Variants in GALNTL6 observed in about 807,000 individuals in gnomAD.
GALNTL6 encodes the protein polypeptide N-acetylgalactosaminyltransferase like 6.
Under a neutral mutation model 73.7 loss-of-function variants are expected in GALNTL6, and 46 were observed. The ratio of observed to expected loss-of-function variants is 0.62; its 90% CI spans 0.49 to 0.80. GALNTL6 has a LOEUF of 0.80. GALNTL6 is among the 30% of genes least tolerant of loss of function. GALNTL6 has a pLI of 0.00. For synonymous variants in GALNTL6, 259 were observed against 263.7 expected (o/e 0.98, Z 0.17); for missense variants, 604 against 755.0 (o/e 0.80, Z 2.34).
intron 12 of GALNTL6, among the ~76,000 whole-genome samples, chr4:173,032,105 G>GA (rs1753485305): frequency 6.6e-6 from 1 of 152,220 alleles, no homozygotes; most frequent in South Asian, 2.1e-4. Context: ...ACGTGCAACA[G>GA]AAAATGAACT....
At chr4:172,327,889 A>G (rs1048791511) in intron 4 of GALNTL6, among the ~76,000 whole-genome samples, 16 of 152,052 alleles carry the variant, frequency 1.1e-4, no homozygotes, top group African/African-American at 3.9e-4. Context: ...ATTTACATTC[A>G]AGGTTAATAT....
chr4:172,470,650 A>G (rs1205158643), intron 5 of GALNTL6, among the ~76,000 whole-genome samples: 1 of 152,204 alleles, frequency 6.6e-6, no homozygotes, highest in East Asian at 1.9e-4. Context: ...GTGCTTTAAT[A>G]ACTTTGGAAA....
intron 2 of GALNTL6, among the ~76,000 whole-genome samples, chr4:171,984,903 A>C (rs1451169539): frequency 6.6e-6 from 1 of 152,114 alleles, no homozygotes; most frequent in East Asian, 1.9e-4. Context: ...CTGTAATCCC[A>C]GCACTTTGGG....
chr4:172,206,971 C>T (rs968583824), intron 2 of GALNTL6, among the ~76,000 whole-genome samples: 27 of 151,474 alleles, frequency 1.8e-4, no homozygotes, highest in Admixed American at 3.3e-4. Context: ...GCACCCACCA[C>T]CACGCCCGGC....
At chr4:172,166,281 T>TA (rs917584827) in intron 2 of GALNTL6, among the ~76,000 whole-genome samples, 5 of 151,900 alleles carry the variant, frequency 3.3e-5, no homozygotes, top group East Asian at 1.9e-4. Flanking sequence ...CCGTCTCTAC[T>TA]AAAAAAATAC....
At chr4:171,951,264 G>C (rs565604962) in intron 2 of GALNTL6, among the ~76,000 whole-genome samples, 51 of 152,068 alleles carry the variant, frequency 3.4e-4, no homozygotes, top group African/African-American at 1.2e-3. Context: ...GGGGCAAAAA[G>C]TATTACTAGA....
chr4:172,449,931 TC>T (rs1732151047), intron 5 of GALNTL6, among the ~76,000 whole-genome samples: 1 of 152,074 alleles, frequency 6.6e-6, no homozygotes, highest in Non-Finnish European at 1.5e-5. Context: ...TTCAGCTGCC[TC>T]CCCCTGTTGG....
chr4:172,544,713 T>C (rs1437385518), intron 5 of GALNTL6, among the ~76,000 whole-genome samples: 1 of 152,226 alleles, frequency 6.6e-6, no homozygotes, highest in African/African-American at 2.4e-5. Context: ...ACTTTTGCTT[T>C]CCTAGCATGA....
chr4:172,182,848 A>G (rs1454481096), intron 2 of GALNTL6, among the ~76,000 whole-genome samples: 1 of 152,198 alleles, frequency 6.6e-6, no homozygotes, highest in Non-Finnish European at 1.5e-5. Flanking sequence ...ATATTTTATA[A>G]AAGCAATCAT....
chr4:172,846,503 G>C (rs1337196489), intron 7 of GALNTL6, among the ~76,000 whole-genome samples: 1 of 151,932 alleles, frequency 6.6e-6, no homozygotes, highest in Admixed American at 6.6e-5. Flanking sequence ...TAGGACAACT[G>C]TCAATTTAAC....
intron 5 of GALNTL6, among the ~76,000 whole-genome samples, chr4:172,448,658 T>C (rs574257775): frequency 6.6e-6 from 1 of 152,212 alleles, no homozygotes. Flanking sequence ...ACAACGCTTT[T>C]TAGTCTTCTC....
chr4:171,977,668 A>G (rs979123064), intron 2 of GALNTL6, among the ~76,000 whole-genome samples: 9 of 152,160 alleles, frequency 5.9e-5, no homozygotes, highest in African/African-American at 2.2e-4. Context: ...TCAACACACA[A>G]ATTTTGTGAG....
At chr4:172,387,775 C>A (rs1327445947) in intron 5 of GALNTL6, among the ~76,000 whole-genome samples, 29 of 152,136 alleles carry the variant, frequency 1.9e-4, no homozygotes, top group Admixed American at 1.9e-3. Flanking sequence ...GCCAAGTCTA[C>A]ATTTCCTTCA....
At chr4:172,635,502 C>G (rs837213) in intron 5 of GALNTL6, among the ~76,000 whole-genome samples, 7,827 of 152,076 alleles carry the variant, frequency 0.051, 388 homozygotes, top group African/African-American at 0.13. Flanking sequence ...ATTAATCTGT[C>G]TTCCCCCCTT....
chr4:172,020,017 G>A (rs1025239841), intron 2 of GALNTL6, among the ~76,000 whole-genome samples: 4 of 151,900 alleles, frequency 2.6e-5, no homozygotes, highest in African/African-American at 9.7e-5. Context: ...TAGGAATTTT[G>A]GAAACTATGC....
rs184590875 is a variant in GALNTL6, at chr4:172,728,161, G to T, written c.554-81200G>T. Among the ~76,000 whole-genome samples, 177 of 152,270 alleles carry T rather than the reference G, an allele frequency of 1.2e-3. 1 individual carries two copies. The highest frequency in any genetic ancestry group is 4.0e-3 in the African/African-American group (167 of 41,556). ...TTTCCTGACCTTGGCCTCCCAAAGT[G>T]CTGGGATTACAGGCGTCAGCCACCA... On this transcript the variant is annotated intron_variant, in intron 5 of 12. Transcript: ENST00000506823.
At chr4:171,940,857 AAATAAAT>A (rs1307669856) in intron 2 of GALNTL6, among the ~76,000 whole-genome samples, 1,668 of 146,700 alleles carry the variant, frequency 0.011, 36 homozygotes, top group African/African-American at 0.038. Context: ...ATAAATAAAT[AAATAAAT>A]ATATAAGTCA....
intron 2 of GALNTL6, among the ~76,000 whole-genome samples, chr4:171,942,801 A>T (rs955581037): frequency 6.6e-6 from 1 of 152,230 alleles, no homozygotes; most frequent in Non-Finnish European, 1.5e-5. Flanking sequence ...CAGCTGTCCC[A>T]AGTGTCTGAT....
At chr4:172,330,542 G>T (rs1185378844) in intron 4 of GALNTL6, among the ~76,000 whole-genome samples, 1 of 152,144 alleles carries the variant, frequency 6.6e-6, no homozygotes, top group African/African-American at 2.4e-5. Flanking sequence ...ATTTACTTGT[G>T]CCCTCTTTTT....
Sources: gnomAD v4.1 joint callset for allele counts (sites outside exome capture counted in the v4.1 genomes callset) on GRCh38, gnomAD v4.1.1 for gene constraint, MANE v1.5 for transcripts, NCBI Gene and HGNC (gene_info 2026-07-23, HGNC 2026-07-21) for gene names.